PKHD1: variants seen among roughly 807,000 people sequenced by gnomAD.
The protein encoded by PKHD1 is PKHD1 ciliary IPT domain containing fibrocystin/polyductin.
Under a neutral mutation model 412.0 loss-of-function variants are expected in PKHD1, and 291 were observed. That is an observed-to-expected ratio of 0.71 (90% CI 0.64 to 0.78). The LOEUF (loss-of-function observed/expected upper bound fraction) is 0.78, where lower values mean the gene tolerates loss of function less well. PKHD1 is among the 30% of genes least tolerant of loss of function. PKHD1 has a pLI of 0.00. For missense variants in PKHD1, 4,825 were observed against 4,950.7 expected (o/e 0.97, Z 0.76); for synonymous variants, 1,777 against 1,821.5 (o/e 0.98, Z 0.62).
rs572936342 is a variant in PKHD1 at position 51,993,508 on chromosome 6, T to C, written c.5751+16801A>G. Among the ~76,000 whole-genome samples, 3 of 152,342 alleles carry C rather than the reference T, an allele frequency of 2.0e-5. No homozygotes were observed. The East Asian group carries it at 5.8e-4, about 29-fold the overall frequency. On this transcript the variant is annotated intron_variant, in intron 35 of 66. Transcript: ENST00000371117. ...TTTTTTGCTAAGTTAAATTACATTA[T>C]ACACAGATGCAAAAAAGAGGAGAAA...
intron 34 of PKHD1, among the ~76,000 whole-genome samples, chr6:52,015,449 C>G (rs894967080): frequency 2.0e-5 from 3 of 152,202 alleles, no homozygotes; most frequent in Non-Finnish European, 4.4e-5. Flanking sequence ...AAGACCGCTG[C>G]CAGTTTCCCC....
intron 43 of PKHD1, among the ~76,000 whole-genome samples, chr6:51,895,707 T>A (rs954526081): frequency 6.6e-6 from 1 of 152,016 alleles, no homozygotes; most frequent in African/African-American, 2.4e-5. Context: ...CAGCTCCCAG[T>A]GTGAGCGACA....
At chr6:51,694,293 A>G (rs946718788) in intron 60 of PKHD1, among the ~76,000 whole-genome samples, 4 of 151,988 alleles carry the variant, frequency 2.6e-5, no homozygotes, top group African/African-American at 9.7e-5. Context: ...TTCACAAGCC[A>G]CACCTCCACC....
chr6:51,872,838 C>T (rs1209549073), intron 46 of PKHD1, among the ~76,000 whole-genome samples: 1 of 150,244 alleles, frequency 6.7e-6, no homozygotes, highest in South Asian at 2.1e-4. Flanking sequence ...AAAGGGGTCT[C>T]CATATATAGC....
At chr6:51,780,137 C>T (rs1791734899) in intron 53 of PKHD1, among the ~76,000 whole-genome samples, 1 of 152,020 alleles carries the variant, frequency 6.6e-6, no homozygotes, top group Admixed American at 6.6e-5. Context: ...CCTGTAATCC[C>T]AGCACTCTGG....
chr6:51,842,609 C>A (rs1386979254), intron 50 of PKHD1, among the ~76,000 whole-genome samples: 2 of 152,020 alleles, frequency 1.3e-5, no homozygotes, highest in East Asian at 3.9e-4. Flanking sequence ...TCCCTCCAAT[C>A]TTCTCCTCCT....
chr6:52,086,966 A>T (rs1812881828), intron 1 of PKHD1, among the ~76,000 whole-genome samples: 1 of 152,182 alleles, frequency 6.6e-6, no homozygotes, highest in South Asian at 2.1e-4. Context: ...TCTATTTTCA[A>T]TCTGGCTACG....
chr6:51,796,337 G>A (rs1794591399), intron 52 of PKHD1, among the ~76,000 whole-genome samples: 1 of 151,612 alleles, frequency 6.6e-6, no homozygotes, highest in African/African-American at 2.4e-5. Context: ...TGTTTCTCTG[G>A]GGTCAGTGGT....
At chr6:51,846,474 A>G (rs1194982317) in intron 50 of PKHD1, among the ~76,000 whole-genome samples, 1 of 152,190 alleles carries the variant, frequency 6.6e-6, no homozygotes, top group African/African-American at 2.4e-5. Flanking sequence ...CTTGAGACCT[A>G]TTTAGCCAGA....
intron 35 of PKHD1, among the ~76,000 whole-genome samples, chr6:51,968,655 A>C (rs1793207349): frequency 6.6e-6 from 1 of 152,166 alleles, no homozygotes; most frequent in African/African-American, 2.4e-5. Context: ...CCCAGACTTG[A>C]ACTCCTCTAA....
chr6:51,827,609 C>A (rs1767533265), intron 52 of PKHD1, among the ~76,000 whole-genome samples: 1 of 152,120 alleles, frequency 6.6e-6, no homozygotes, highest in South Asian at 2.1e-4. Context: ...ACTTCAAATG[C>A]CTCTTCTTCC....
chr6:51,832,834 C>T (rs1003207933), intron 51 of PKHD1, among the ~76,000 whole-genome samples: 8 of 152,002 alleles, frequency 5.3e-5, no homozygotes, highest in Non-Finnish European at 1.2e-4. Context: ...TAATTAGAGA[C>T]CCAGGATAAC....
chr6:51,783,094 C>G (rs73740013), intron 53 of PKHD1, among the ~76,000 whole-genome samples: 3,605 of 152,104 alleles, frequency 0.024, 154 homozygotes, highest in African/African-American at 0.082. Context: ...TGACAAATAC[C>G]CATCACTGAC....
intron 60 of PKHD1, among the ~76,000 whole-genome samples, chr6:51,743,470 T>C (rs542176939): frequency 6.6e-6 from 1 of 152,270 alleles, no homozygotes; most frequent in South Asian, 2.1e-4. Context: ...GAGTCTGAGA[T>C]GTCTACTATC....
chr6:52,043,810 C>T (rs1254566680), intron 25 of PKHD1, 80 bp from the exon 26 acceptor site: 1 of 910,320 alleles, frequency 1.1e-6, no homozygotes, highest in Non-Finnish European at 1.8e-6. Flanking sequence ...GTGAAGTGCT[C>T]CCAAGCTGAC....
chr6:51,853,546 C>T (rs567979354), intron 49 of PKHD1, among the ~76,000 whole-genome samples: 90 of 152,284 alleles, frequency 5.9e-4, no homozygotes, highest in African/African-American at 2.0e-3. Context: ...CTCCCTGTCT[C>T]CTTCTGGTAC....
chr6:51,653,405 A>G (rs2149580), intron 61 of PKHD1, among the ~76,000 whole-genome samples: 19,648 of 152,004 alleles, frequency 0.13, 1,573 homozygotes, highest in Admixed American at 0.26. Flanking sequence ...GGCATGTTGT[A>G]AGCACCCAGT....
In PKHD1 at chr6:52,062,619, C is replaced by T. The variant is rs368351830; in HGVS notation, c.1018G>A (p.Gly340Arg). The change falls in exon 14 of 67, where the codon GGA becomes AGA. Residue 340 changes from glycine (G) to arginine (R), a missense_variant. Coordinates refer to ENST00000371117, the MANE Select transcript of PKHD1 (RefSeq NM_138694.4). ...GGGGTGGCTTCAGTCAGTTCCAGTC[C>T]CTCAACAGCATCTCCAACTTCAAAA... Reference protein sequence around the residue: ...LLFEVGDAVEGLELTEATPGY... With the variant: ...LLFEVGDAVERLELTEATPGY... 2.0e-4 allele frequency: 324 copies of T among 1,614,002 alleles called. 1 individual carries two copies. Among genetic ancestry groups the T allele is most frequent in the Non-Finnish European group, 2.6e-4 (307 of 1,179,990 alleles).
At chr6:51,756,364 A>G (rs1048510875) in intron 55 of PKHD1, among the ~76,000 whole-genome samples, 21 of 152,182 alleles carry the variant, frequency 1.4e-4, no homozygotes, top group Non-Finnish European at 1.2e-4. Context: ...TTGAATTAGG[A>G]CAAAGGAAGA....
Sources: gnomAD v4.1 joint callset for allele counts (sites outside exome capture counted in the v4.1 genomes callset) on GRCh38, gnomAD v4.1.1 for gene constraint, MANE v1.5 for transcripts, NCBI Gene and HGNC (gene_info 2026-07-23, HGNC 2026-07-21) for gene names.